Variants in GABBR2 observed in about 807,000 individuals in gnomAD.
GABBR2 encodes the protein G-protein coupled receptor 51.
In GABBR2, 23 loss-of-function variants were observed where a neutral mutation model predicts 105.6. The observed-to-expected ratio is 0.22, with a 90% CI of 0.16 to 0.31. GABBR2 has a LOEUF of 0.31. Among genes scored for constraint, GABBR2 ranks in the 10% least tolerant of loss-of-function variants. The probability of loss-of-function intolerance (pLI) is 1.00; values close to 1 mark genes in which losing one functional copy is unlikely to be tolerated. For synonymous variants in GABBR2, 478 were observed against 499.7 expected (o/e 0.96, Z 0.58); for missense variants, 734 against 1,245.5 (o/e 0.59, Z 6.18).
intron 4 of GABBR2, among the ~76,000 whole-genome samples, chr9:98,481,874 T>TGTGTACAATGAATGTGTA (rs1473962197): frequency 3.3e-5 from 5 of 152,356 alleles, no homozygotes; most frequent in Admixed American, 6.5e-5. Context: ...CCCCTGTGAC[T>TGTGTACAATGAATGTGTA]CATTCATTCA....
intron 16 of GABBR2, among the ~76,000 whole-genome samples, chr9:98,302,600 T>C (rs951929970): frequency 3.9e-5 from 6 of 152,168 alleles, no homozygotes; most frequent in Non-Finnish European, 8.8e-5. Flanking sequence ...AATTCCTCTA[T>C]TAAAGCAACA....
intron 1 of GABBR2, among the ~76,000 whole-genome samples, chr9:98,632,542 A>G (rs1374188554): frequency 6.6e-6 from 1 of 152,176 alleles, no homozygotes. Flanking sequence ...AACCTCTAAG[A>G]CAAGGTTTCA....
chr9:98,450,670 T>A (rs1826214944), intron 7 of GABBR2, among the ~76,000 whole-genome samples: 1 of 152,108 alleles, frequency 6.6e-6, no homozygotes, highest in South Asian at 2.1e-4. Context: ...ACAAAAGCAT[T>A]GAATTTGAGG....
chr9:98,628,598 C>T (rs1045172302), intron 1 of GABBR2, among the ~76,000 whole-genome samples: 46 of 152,000 alleles, frequency 3.0e-4, no homozygotes, highest in African/African-American at 1.1e-3. Context: ...CTATTAGCTA[C>T]GCTGCTGTAC....
rs1385823880 is a variant in GABBR2 at position 98,303,258 on chromosome 9, G to T, written c.2395C>A (p.Arg799=). 6.2e-7 allele frequency: 1 copy of T among 1,614,030 alleles called. No homozygotes were observed. The highest frequency in any genetic ancestry group is 1.3e-5 in the African/African-American group (1 of 75,032). The stretch of plus-strand genomic sequence containing the variant: ...GGAGGTACCTCTGTGATCTTCATTC[G>T]CAGGCGATGGTTTTCTGACTGTAGG... ...EGLQSENHRL[R]MKITELDKDL... is the part of the protein sequence containing the mutation. Residue 799 remains arginine (R), a synonymous_variant, in exon 16 of 19, where the codon CGA becomes AGA. Transcript: ENST00000259455.
chr9:98,323,874 G>A (rs1157263141), intron 13 of GABBR2, among the ~76,000 whole-genome samples: 1 of 152,218 alleles, frequency 6.6e-6, no homozygotes, highest in Non-Finnish European at 1.5e-5. Flanking sequence ...AGAGTGCGAA[G>A]ATTCTCTAAA....
At position 98,306,071 on chromosome 9, in the gene GABBR2, T is replaced by C. The variant is rs377417275; in HGVS notation, c.2229+50A>G. On this transcript the variant is annotated intron_variant, in intron 15 of 18. Transcript: ENST00000259455. This position sits in a 1 kb window ranked among gnomAD's most constrained non-coding sequence, Gnocchi z 5.4. ...AATGGAGAAAAGCCAGCAATGCCCC[T>C]GTGCTGGAGTCAGAGGGCAGAGGCC... is the stretch of plus-strand genomic sequence containing the variant. The C allele has an allele frequency of 8.2e-7, 1 of 1,226,650 alleles. No individual in the cohort carries two copies. The allele number at this position is 1,226,650 out of a possible 1,614,324, so 76.0% of individuals were successfully genotyped here.
At chr9:98,358,257 C>A (rs1418940550) in intron 13 of GABBR2, among the ~76,000 whole-genome samples, 2 of 152,168 alleles carry the variant, frequency 1.3e-5, no homozygotes, top group Non-Finnish European at 2.9e-5. Context: ...GGGGCATGTG[C>A]ATCTTTGACA....
intron 1 of GABBR2, among the ~76,000 whole-genome samples, chr9:98,691,423 C>T (rs1830680610): frequency 6.6e-6 from 1 of 152,204 alleles, no homozygotes; most frequent in South Asian, 2.1e-4. Flanking sequence ...ACCTTTCTTG[C>T]CCTGTGTCCT....
At chr9:98,645,342 G>A (rs553307807) in intron 1 of GABBR2, among the ~76,000 whole-genome samples, 1 of 152,264 alleles carries the variant, frequency 6.6e-6, no homozygotes, top group South Asian at 2.1e-4. Flanking sequence ...GGAGTGGCAG[G>A]GCTGGTCTGA....
At chr9:98,335,497 C>A (rs1358465658) in intron 13 of GABBR2, among the ~76,000 whole-genome samples, 2 of 152,170 alleles carry the variant, frequency 1.3e-5, no homozygotes, top group Admixed American at 1.3e-4. Flanking sequence ...GGCTGCACAC[C>A]AGAACCCATG....
chr9:98,328,854 G>A (rs531587368), intron 13 of GABBR2, among the ~76,000 whole-genome samples: 1 of 152,146 alleles, frequency 6.6e-6, no homozygotes, highest in Admixed American at 6.5e-5. Flanking sequence ...TAGGAGACAG[G>A]GGGTATGGTG....
At chr9:98,554,245 C>T (rs1828542611) in intron 2 of GABBR2, among the ~76,000 whole-genome samples, 1 of 151,996 alleles carries the variant, frequency 6.6e-6, no homozygotes, top group Non-Finnish European at 1.5e-5. Flanking sequence ...CCTGTAGTCC[C>T]AGCTACTTGG....
chr9:98,609,925 C>T (rs962829393), intron 1 of GABBR2, among the ~76,000 whole-genome samples: 9 of 152,354 alleles, frequency 5.9e-5, no homozygotes, highest in South Asian at 2.1e-4. Context: ...GCTGTTTCCA[C>T]AAGCCAAAAG....
At chr9:98,638,694 C>T (rs1829915233) in intron 1 of GABBR2, among the ~76,000 whole-genome samples, 1 of 152,098 alleles carries the variant, frequency 6.6e-6, no homozygotes, top group Non-Finnish European at 1.5e-5. Context: ...CTCCCCAGGC[C>T]TCCACAAACA....
chr9:98,508,623 G>A (rs886526722), intron 3 of GABBR2, among the ~76,000 whole-genome samples: 5 of 152,346 alleles, frequency 3.3e-5, no homozygotes, highest in Admixed American at 6.5e-5. Flanking sequence ...TATATCCCGC[G>A]CATGGCTCGG....
intron 2 of GABBR2, among the ~76,000 whole-genome samples, chr9:98,544,307 C>T (rs1200489095): frequency 6.6e-6 from 1 of 152,144 alleles, no homozygotes; most frequent in African/African-American, 2.4e-5. Flanking sequence ...AGAGATTTGT[C>T]CCTTTCCATG....
At chr9:98,586,261 CCTT>C (rs991621179) in intron 1 of GABBR2, among the ~76,000 whole-genome samples, 2 of 151,090 alleles carry the variant, frequency 1.3e-5, no homozygotes, top group Non-Finnish European at 3.0e-5. Context: ...TTGCATTTAT[CCTT>C]CTTTTCTTCT....
At chr9:98,698,374 G>A (rs981092814) in intron 1 of GABBR2, among the ~76,000 whole-genome samples, 3 of 152,114 alleles carry the variant, frequency 2.0e-5, no homozygotes, top group African/African-American at 7.2e-5. Context: ...AAATCAGAAA[G>A]GTAGAAAATC....
Sources: gnomAD v4.1 joint callset for allele counts (sites outside exome capture counted in the v4.1 genomes callset) on GRCh38, gnomAD v4.1.1 for gene constraint, Gnocchi (gnomAD v3.1) non-coding constraint, MANE v1.5 for transcripts, NCBI Gene and HGNC (gene_info 2026-07-23, HGNC 2026-07-21) for gene names.